Variants in CXXC5 observed in about 807,000 individuals in gnomAD.
CXXC5 encodes CXXC finger protein 5.
Under a neutral mutation model 17.6 loss-of-function variants are expected in CXXC5, and 2 were observed. The ratio of observed to expected loss-of-function variants is 0.11; its 90% confidence interval spans 0.05 to 0.36. CXXC5 has a LOEUF of 0.36. Among genes scored for constraint, CXXC5 ranks in the 10% least tolerant of loss-of-function variants. CXXC5 has a pLI of 1.00. For synonymous variants in CXXC5, 171 were observed against 193.0 expected (o/e 0.89, Z 0.94); for missense variants, 343 against 458.3 (o/e 0.75, Z 2.30).
chr5:139,680,566 A>G lies in CXXC5; in HGVS notation c.43A>G (p.Ser15Gly). ...TGGCTCCCAGGATGCCGGCGGCAGT[A>G]GCAGCAGCAGCACCAATGGCAGCGG... ...GGGSQDAGGS[S>G]SSSTNGSGGS... The change falls in exon 2 of 3, where the codon AGC becomes GGC. Residue 15 changes from serine to glycine, a missense_variant. By Grantham distance (56) the Ser-to-Gly change is moderately conservative. Around this residue, in one of 4 missense-constraint regions of CXXC5, gnomAD observed 297 missense variants for 363.4 expected, o/e 0.82. Coordinates refer to ENST00000302517, the MANE Select transcript of CXXC5 (RefSeq NM_016463.9). The G allele has an allele frequency of 1.9e-6, 3 of 1,588,470 alleles. No homozygotes were observed. The highest frequency in any genetic ancestry group is 2.6e-6 in the Non-Finnish European group (3 of 1,168,628).
chr5:139,681,508 C>CCCCCAT (rs1241853446), intron 2 of CXXC5, 61 bp downstream of exon 2: 1 of 1,505,548 alleles, frequency 6.6e-7, no homozygotes, highest in Admixed American at 2.3e-5. Context: ...TCCAAACCCA[C>CCCCCAT]CCCCATCCCC....
intron 1 of CXXC5, among the ~76,000 whole-genome samples, chr5:139,655,777 G>A (rs1386404543): frequency 7.1e-5 from 10 of 140,014 alleles, no homozygotes; most frequent in African/African-American, 8.1e-5. Flanking sequence ...TGTGCCGGCC[G>A]GCCGTGAGAG....
intron 1 of CXXC5, among the ~76,000 whole-genome samples, chr5:139,679,261 C>T (rs958621098): frequency 1.3e-5 from 2 of 152,218 alleles, no homozygotes; most frequent in Non-Finnish European, 2.9e-5. Flanking sequence ...GGAGCCAGGC[C>T]AGAGCACCAC....
At chr5:139,681,600 C>T in intron 2 of CXXC5, 153 bp downstream of exon 2, 1 of 862,648 alleles carries the variant, frequency 1.2e-6, no homozygotes, top group Non-Finnish European at 1.7e-6. Context: ...GGCTTCAAGA[C>T]ACCAGTTTAC....
At chr5:139,667,915 G>A (rs1191913875) in intron 1 of CXXC5, among the ~76,000 whole-genome samples, 4 of 152,132 alleles carry the variant, frequency 2.6e-5, no homozygotes, top group Non-Finnish European at 4.4e-5. Context: ...CAGCAGCTGC[G>A]GTGGCTCCAG....
At chr5:139,676,013 C>T in intron 1 of CXXC5, among the ~76,000 whole-genome samples, 1 of 131,172 alleles carries the variant, frequency 7.6e-6, no homozygotes, top group Non-Finnish European at 1.7e-5. Flanking sequence ...AGGTATGAGT[C>T]TCCCTCCTTC....
At chr5:139,678,704 G>T (rs937099929) in intron 1 of CXXC5, among the ~76,000 whole-genome samples, 1 of 152,166 alleles carries the variant, frequency 6.6e-6, no homozygotes, top group African/African-American at 2.4e-5. Flanking sequence ...GCTCTCTTGG[G>T]ACAGGCTTGA....
At chr5:139,655,344 C>T (rs1009469660) in intron 1 of CXXC5, among the ~76,000 whole-genome samples, 3 of 152,106 alleles carry the variant, frequency 2.0e-5, no homozygotes, top group Non-Finnish European at 4.4e-5. Flanking sequence ...TGACCTTTGT[C>T]ACTCACTGGC....
intron 1 of CXXC5, among the ~76,000 whole-genome samples, chr5:139,667,021 G>C (rs978497076): frequency 6.6e-6 from 1 of 152,330 alleles, no homozygotes; most frequent in African/African-American, 2.4e-5. Flanking sequence ...CCAGGGGCCA[G>C]GTGGGCCCTG....
chr5:139,680,760 C>A lies in CXXC5; in HGVS notation c.237C>A (p.Leu79=), dbSNP rs771777955. 2.5e-6 allele frequency: 4 copies of A among 1,613,552 alleles called. No homozygotes were observed. The highest frequency in any genetic ancestry group is 1.6e-4 in the Middle Eastern group (1 of 6,062). Residue 79 remains leucine, a synonymous_variant, in exon 2 of 3, where the codon CTC becomes CTA. Transcript: ENST00000302517. ...AGAGCCTGCGCCGCTCCCGCCCGCT[C>A]TCCCACTACTCTTCTTTTGGCAGCA... ...LNKSLRRSRP[L]SHYSSFGSSG...
chr5:139,670,723 A>G lies in CXXC5; in HGVS notation c.-160-9641A>G, dbSNP rs534280806. The stretch of plus-strand genomic sequence containing the variant: ...ATGTACATTCACAGACTTGGGTCGC[A>G]CACACATGCCTCCACTTTACCCTCA... On this transcript the variant is annotated intron_variant, in intron 1 of 2. Coordinates refer to ENST00000302517, the MANE Select transcript of CXXC5 (RefSeq NM_016463.9). The surrounding 1 kb of genome is among the most constrained non-coding windows in gnomAD (Gnocchi z 4.2). 4.6e-5 allele frequency among the ~76,000 whole-genome samples: 7 copies of G among 152,324 alleles called. No individual in the cohort carries two copies. The East Asian group carries it at 1.3e-3, about 29-fold the overall frequency.
intron 1 of CXXC5, among the ~76,000 whole-genome samples, chr5:139,654,782 C>T (rs565772412): frequency 6.6e-6 from 1 of 152,330 alleles, no homozygotes; most frequent in East Asian, 1.9e-4. Context: ...TGTTACTTGC[C>T]TTCTTTCTTT....
chr5:139,661,142 T>G lies in CXXC5; in HGVS notation c.-161+12297T>G, dbSNP rs1481304044. On this transcript the variant is annotated intron_variant, in intron 1 of 2. Coordinates refer to ENST00000302517, the MANE Select transcript of CXXC5 (RefSeq NM_016463.9). The surrounding 1 kb of genome is among the most constrained non-coding windows in gnomAD (Gnocchi z 4.7). ...GAGGCCTGGGGAAGCAGCAGGTTAT[T>G]TATCAAGCCAGCCTCCCCGCCGCGG... 1.3e-5 allele frequency among the ~76,000 whole-genome samples: 2 copies of G among 152,060 alleles called. No individual in the cohort carries two copies. Among genetic ancestry groups the G allele is most frequent in the Non-Finnish European group, 2.9e-5 (2 of 67,990 alleles).
chr5:139,648,925 C>T (rs1755005220), intron 1 of CXXC5, 80 bp downstream of exon 1: 1 of 152,208 alleles, frequency 6.6e-6, no homozygotes, highest in Non-Finnish European at 1.5e-5. Flanking sequence ...TCCCTCTCCT[C>T]CCCCGGGGTT....
rs1024316097 is a variant in CXXC5, at chr5:139,668,673, G to A, written c.-160-11691G>A. ...GCGTGCAGGTCTGAGTAGGCTCTGG[G>A]CCATGCCGGGGTACCTGGCTTGGAG... On this transcript the variant is annotated intron_variant, in intron 1 of 2. Transcript: ENST00000302517. This position sits in a 1 kb window ranked among gnomAD's most constrained non-coding sequence, Gnocchi z 4.1. 5.3e-5 allele frequency among the ~76,000 whole-genome samples: 8 copies of A among 152,296 alleles called. No homozygotes were observed. The highest frequency in any genetic ancestry group is 1.3e-4 in the Admixed American group (2 of 15,292).
chr5:139,654,885 C>T (rs1242093900), intron 1 of CXXC5, among the ~76,000 whole-genome samples: 3 of 152,104 alleles, frequency 2.0e-5, no homozygotes, highest in African/African-American at 7.2e-5. Context: ...GTAATGGGGC[C>T]AGGCTGGGGT....
intron 1 of CXXC5, among the ~76,000 whole-genome samples, chr5:139,674,998 A>G (rs1756701142): frequency 1.3e-5 from 2 of 151,920 alleles, no homozygotes. Flanking sequence ...TTAACTCTCA[A>G]ACTAGCAGTC....
intron 2 of CXXC5, 22 bp downstream of exon 2, chr5:139,681,469 G>T: frequency 1.3e-6 from 2 of 1,537,712 alleles, no homozygotes; most frequent in Admixed American, 3.9e-5. Context: ...TTAGAGGGAG[G>T]TGTGTGGGCT....
intron 1 of CXXC5, chr5:139,665,936 C>G (rs938391141): frequency 2.0e-5 from 3 of 152,268 alleles, no homozygotes; most frequent in African/African-American, 7.2e-5. Context: ...AAGCCGTTGT[C>G]AAGCTGCTAT....
Sources: allele counts gnomAD v4.1 joint callset (sites outside exome capture counted in the v4.1 genomes callset), GRCh38; gene constraint gnomAD v4.1.1; regional missense constraint gnomAD v4.1.1; non-coding constraint Gnocchi (gnomAD v3.1); transcripts MANE v1.5; gene names NCBI Gene and HGNC (gene_info 2026-07-23, HGNC 2026-07-21).